GUCA1B: variants seen among roughly 807,000 people sequenced by gnomAD.
GUCA1B encodes the protein guanylyl cyclase-activating protein 2.
GUCA1B carries 22 observed loss-of-function variants against 24.2 expected under a neutral mutation model. The ratio of observed to expected loss-of-function variants is 0.91; its 90% CI spans 0.65 to 1.30. GUCA1B has a LOEUF of 1.30. Ranked by LOEUF, GUCA1B falls within the 50% of genes most tolerant of loss-of-function variation. The pLI, the probability that GUCA1B is intolerant of heterozygous loss-of-function variation, is 0.00. For missense variants in GUCA1B, 221 were observed against 258.8 expected (o/e 0.85, Z 1.00); for synonymous variants, 100 against 97.9 (o/e 1.02, Z -0.13).
intron 2 of GUCA1B, among the ~76,000 whole-genome samples, chr6:42,187,952 C>T (rs1768225177): frequency 1.3e-5 from 2 of 151,916 alleles, no homozygotes; most frequent in South Asian, 4.1e-4. Context: ...CTCAAACAAT[C>T]CTCCCACCTC....
chr6:42,192,945 C>T (rs1005036860), intron 1 of GUCA1B, among the ~76,000 whole-genome samples: 1 of 152,018 alleles, frequency 6.6e-6, no homozygotes, highest in Non-Finnish European at 1.5e-5. Context: ...CTATAGCTTT[C>T]TCTTAAAAAA....
intron 2 of GUCA1B, 70 bp from the exon 3 acceptor site, chr6:42,185,867 TCC>T: frequency 1.1e-6 from 1 of 907,492 alleles, no homozygotes; most frequent in East Asian, 2.4e-5. Flanking sequence ...GTGACCCACA[TCC>T]CCCAGCACCA....
chr6:42,185,766 C>T lies in GUCA1B; in HGVS notation c.389G>A (p.Arg130Gln), dbSNP rs564752140. 21 of 1,613,068 alleles carry T rather than the reference C, an allele frequency of 1.3e-5. 1 individual carries two copies. The East Asian group carries it at 1.8e-4, about 14-fold the overall frequency. ...GIYQLKKACR[R>Q]ELQTEQGQLL... Reference sequence around the variant, plus strand: ...CTGGCCTTGCTCAGTTTGTAGCTCTCGCCGGCAGGCTTTCTTCAGCTGGTA... The same window carrying T: ...CTGGCCTTGCTCAGTTTGTAGCTCTTGCCGGCAGGCTTTCTTCAGCTGGTA... The change falls in exon 3 of 4, where the codon CGA (arginine) becomes CAA (glutamine). Residue 130 changes from arginine to glutamine, a missense_variant. Coordinates refer to ENST00000230361, the MANE Select transcript of GUCA1B (RefSeq NM_002098.6).
intron 1 of GUCA1B, among the ~76,000 whole-genome samples, chr6:42,193,792 T>C (rs748973284): frequency 3.3e-5 from 5 of 152,206 alleles, no homozygotes; most frequent in Non-Finnish European, 7.3e-5. Context: ...CTCCACGCAC[T>C]GAGGAATGGA....
intron 1 of GUCA1B, among the ~76,000 whole-genome samples, chr6:42,188,949 T>C (rs964507335): frequency 8.3e-5 from 11 of 132,000 alleles, no homozygotes; most frequent in Middle Eastern, 7.7e-3. Context: ...CTATCTATCA[T>C]CTGTCTATTT....
At chr6:42,192,698 C>T (rs967572122) in intron 1 of GUCA1B, among the ~76,000 whole-genome samples, 3 of 151,856 alleles carry the variant, frequency 2.0e-5, no homozygotes, top group Non-Finnish European at 4.4e-5. Flanking sequence ...GGCAACATGG[C>T]GAGACCTCAT....
intron 2 of GUCA1B, 32 bp from the exon 3 acceptor site, chr6:42,185,829 A>G (rs770267554): frequency 7.6e-7 from 1 of 1,322,214 alleles, no homozygotes; most frequent in South Asian, 1.2e-5. Context: ...CATTGACGGG[A>G]GACCCTGAAA....
In GUCA1B at chr6:42,194,879, A is replaced by G. The variant is rs1216526560; in HGVS notation, c.-59T>C. On this transcript the variant is annotated 5_prime_UTR_variant, in exon 1 of 4. Transcript: ENST00000230361. ...TGTATCTCCTCCCTGGCTTCTGCTGATGGATCTCTCCAACTAGGGCCCTCT... is the reference window on the plus strand; with the variant it reads ...TGTATCTCCTCCCTGGCTTCTGCTGGTGGATCTCTCCAACTAGGGCCCTCT... 6 of 1,253,566 alleles carry G rather than the reference A, an allele frequency of 4.8e-6. No homozygotes were observed. Among genetic ancestry groups the G allele is most frequent in the Non-Finnish European group, 6.8e-6 (6 of 881,874 alleles). 77.7% of individuals were successfully genotyped at this position (1,253,566 alleles called of 1,614,324 possible).
intron 1 of GUCA1B, among the ~76,000 whole-genome samples, chr6:42,191,391 C>T (rs1217798320): frequency 6.6e-6 from 1 of 152,096 alleles, no homozygotes; most frequent in African/African-American, 2.4e-5. Flanking sequence ...CACGTGTGAA[C>T]CACATCTATA....
intron 1 of GUCA1B, among the ~76,000 whole-genome samples, chr6:42,193,333 G>A (rs997736292): frequency 4.6e-5 from 7 of 152,112 alleles, no homozygotes; most frequent in Non-Finnish European, 1.0e-4. Flanking sequence ...GGACTTAAAT[G>A]AGTCTTATTA....
At chr6:42,194,318 A>G (rs1224245657) in intron 1 of GUCA1B, among the ~76,000 whole-genome samples, 2 of 152,170 alleles carry the variant, frequency 1.3e-5, no homozygotes, top group African/African-American at 4.8e-5. Context: ...CAAAGAGAGG[A>G]CCTGGACTGT....
rs1037481937 is a variant in GUCA1B, at chr6:42,183,996, G to A, written c.*819C>T. 1.3e-4 allele frequency among the ~76,000 whole-genome samples: 20 copies of A among 152,130 alleles called. No individual in the cohort carries two copies. Among genetic ancestry groups the A allele is most frequent in the African/African-American group, 4.8e-4 (20 of 41,418 alleles). On this transcript the variant is annotated 3_prime_UTR_variant, in exon 4 of 4. Coordinates refer to ENST00000230361, the MANE Select transcript of GUCA1B (RefSeq NM_002098.6). ...CTGGTGAGGATGCCTTGGGGAGGAGGAGGCCAGGGTCCTCCCCATGAACGC... is the reference window on the plus strand; with the variant it reads ...CTGGTGAGGATGCCTTGGGGAGGAGAAGGCCAGGGTCCTCCCCATGAACGC...
chr6:42,188,824 T>C, intron 1 of GUCA1B, 93 bp from the exon 2 acceptor site: 1 of 1,239,014 alleles, frequency 8.1e-7, no homozygotes, highest in Non-Finnish European at 1.2e-6. Flanking sequence ...TCCTCCTCCT[T>C]TTAATCCATG....
intron 1 of GUCA1B, among the ~76,000 whole-genome samples, chr6:42,193,589 A>G (rs1189908493): frequency 6.6e-6 from 1 of 152,194 alleles, no homozygotes; most frequent in Non-Finnish European, 1.5e-5. Context: ...AGCGCTGAGA[A>G]GTCCGAAACT....
At chr6:42,187,418 CTTT>C (rs70987578) in intron 2 of GUCA1B, among the ~76,000 whole-genome samples, 5 of 129,580 alleles carry the variant, frequency 3.9e-5, no homozygotes, top group African/African-American at 9.1e-5. Flanking sequence ...GTTTATTTTA[CTTT>C]TTTTTTTTTT....
Position 42,192,390 on chromosome 6 carries a change from GAAA to G in GUCA1B, c.207+2221_207+2223del, listed in dbSNP as rs1582334650. 1.9e-3 allele frequency among the ~76,000 whole-genome samples: 21 copies of G among 11,330 alleles called. 1 individual carries two copies. The highest frequency in any genetic ancestry group is 5.6e-3 in the South Asian group (1 of 178). 7.4% of individuals were successfully genotyped at this position (11,330 alleles called of 152,430 possible). ...AAAAAAAAAAAAAAAAGAGAGAAAA[GAAA>G]AGAAAAGAAAAGAAAAAGGAAAAAA... On this transcript the variant is annotated intron_variant, in intron 1 of 3. Transcript: ENST00000230361.
At position 42,188,835 on chromosome 6, in the gene GUCA1B, T is replaced by A. The variant is rs141888077; in HGVS notation, c.208-104A>T. On this transcript the variant is annotated intron_variant, in intron 1 of 3. Coordinates refer to ENST00000230361, the MANE Select transcript of GUCA1B (RefSeq NM_002098.6). ...CTTCTCCTCCTCCTTTTAATCCATG[T>A]GGCCTCTGTGTCTTTGCTCAAGTCT... The A allele has an allele frequency of 9.2e-6, 10 of 1,090,406 alleles. No homozygotes were observed. The African/African-American group carries it at 1.3e-4, about 14-fold the overall frequency. The allele number at this position is 1,090,406 out of a possible 1,614,324, so 67.5% of individuals were successfully genotyped here.
Position 42,188,515 on chromosome 6 carries a change from G to C in GUCA1B, c.357+67C>G, listed in dbSNP as rs1389378145. The C allele has an allele frequency of 7.2e-6, 11 of 1,526,486 alleles. No individual in the cohort carries two copies. The Admixed American group carries it at 1.5e-4, about 21-fold the overall frequency. 94.6% of individuals were successfully genotyped at this position (1,526,486 alleles called of 1,614,324 possible). ...CTTCAGTCCCCGCTGGCCACTTGTG[G>C]CCAACCTTCAGAGCTCCAGCAGTGC... On this transcript the variant is annotated intron_variant, in intron 2 of 3. Transcript: ENST00000230361.
rs562665191 is a variant in GUCA1B, at chr6:42,185,696, C to T, written c.459G>A (p.Val153=). 1.3e-6 allele frequency: 2 copies of T among 1,593,874 alleles called. No homozygotes were observed. The highest frequency in any genetic ancestry group is 2.7e-5 in the African/African-American group (2 of 74,620). The change falls in exon 3 of 4, where the codon GTG becomes GTA. Residue 153 remains valine (V), a synonymous_variant. Transcript: ENST00000230361. The part of the protein sequence containing the change: ...EEVVDRIFLL[V]DENGDGQLSL... The stretch of plus-strand genomic sequence containing the variant: ...CCCTCTTACCATCTCCATTCTCATC[C>T]ACCAGGAGGAAGATCCTGTCCACGA...
Sources: gnomAD v4.1 joint callset for allele counts (sites outside exome capture counted in the v4.1 genomes callset) on GRCh38, gnomAD v4.1.1 for gene constraint, MANE v1.5 for transcripts, NCBI Gene and HGNC (gene_info 2026-07-23, HGNC 2026-07-21) for gene names.